HVCN1: variants seen among roughly 807,000 people sequenced by gnomAD.
HVCN1 encodes hydrogen voltage gated channel 1.
Under a neutral mutation model 29.2 loss-of-function variants are expected in HVCN1, and 14 were observed. The observed-to-expected ratio is 0.48, with a 90% CI of 0.32 to 0.75. The LOEUF is 0.75. HVCN1 is among the 30% of genes least tolerant of loss of function. The pLI, the probability that HVCN1 is intolerant of heterozygous loss-of-function variation, is 0.04. For missense variants in HVCN1, 263 were observed against 341.8 expected (o/e 0.77, Z 1.82); for synonymous variants, 131 against 133.2 (o/e 0.98, Z 0.11).
In HVCN1 at chr12:110,695,283, C is replaced by T. The variant is rs534772444; in HGVS notation, c.-103-6575G>A. The stretch of plus-strand genomic sequence containing the variant: ...ATATACACACACACACATATATATA[C>T]ACACACACACACTTATATATAAACA... On this transcript the variant is annotated intron_variant, in intron 2 of 4. Coordinates refer to the HVCN1 transcript ENST00000546713. Among the ~76,000 whole-genome samples the T allele has an allele frequency of 5.7e-3, 844 of 149,126 alleles. 7 individuals are homozygous for T. Among genetic ancestry groups the T allele is most frequent in the Admixed American group, 0.011 (169 of 14,896 alleles).
chr12:110,654,811 C>G lies in HVCN1; in HGVS notation c.411+423G>C, dbSNP rs992478745. Among the ~76,000 whole-genome samples, 6 of 152,152 alleles carry G rather than the reference C, an allele frequency of 3.9e-5. No individual in the cohort carries two copies. The East Asian group carries it at 1.2e-3, about 29-fold the overall frequency. On this transcript the variant is annotated intron_variant, in intron 5 of 7. Coordinates refer to ENST00000242607, the MANE Select transcript of HVCN1 (RefSeq NM_032369.4). ...GATTTTAACTCTCTTGATCTCCGCC[C>G]TTGGAACTGAGACAGGGTATGTCCA...
At position 110,670,752 on chromosome 12, in the gene HVCN1, C is replaced by T. The variant is rs1339323624; in HGVS notation, c.22-9304G>A. Among the ~76,000 whole-genome samples, 5 of 152,078 alleles carry T rather than the reference C, an allele frequency of 3.3e-5. No homozygotes were observed. The East Asian group carries it at 5.8e-4, about 18-fold the overall frequency. ...GGTGGAGTAGGTGGAATTGTGCACA[C>T]CCCCCTAACAATTCCTGTCCCCCTG... is the stretch of plus-strand genomic sequence containing the variant. On this transcript the variant is annotated intron_variant, in intron 3 of 7. Transcript: ENST00000242607.
intron 3 of HVCN1, among the ~76,000 whole-genome samples, chr12:110,668,349 C>CA (rs1174880023): frequency 1.3e-5 from 2 of 151,866 alleles, no homozygotes; most frequent in Non-Finnish European, 2.9e-5. Context: ...TAAAAACAAA[C>CA]AAAAAAATAG....
Position 110,661,246 on chromosome 12 carries a change from G to T in HVCN1, c.224C>A (p.Ala75Asp). The T allele has an allele frequency of 6.2e-7, 1 of 1,614,056 alleles. No homozygotes were observed. The highest frequency in any genetic ancestry group is 1.3e-5 in the African/African-American group (1 of 75,032). ...CCTGGGTGCGGGGCCAGGGGCAGGGGCAACGTCAGGGGCTGCAGCTCTGCC... is the reference window on the plus strand; with the variant it reads ...CCTGGGTGCGGGGCCAGGGGCAGGGTCAACGTCAGGGGCTGCAGCTCTGCC... Reference protein sequence around the residue: ...EEGRAAAPDVAPAPGPAPRAP... With the variant: ...EEGRAAAPDVDPAPGPAPRAP... The change falls in exon 4 of 8, where the codon GCC (alanine) becomes GAC (aspartate). Residue 75 changes from alanine to aspartate, a missense_variant. Physicochemically the swap from Ala to Asp is moderately radical, Grantham distance 126. Transcript: ENST00000242607. This position sits in a 1 kb window ranked among gnomAD's most constrained non-coding sequence, Gnocchi z 6.2.
intron 4 of HVCN1, among the ~76,000 whole-genome samples, chr12:110,657,801 G>A (rs538311977): frequency 1.3e-5 from 2 of 152,298 alleles, no homozygotes; most frequent in East Asian, 1.9e-4. Context: ...AGGTCACAAG[G>A]AAAATTGCTG....
At chr12:110,688,393 CCAAT>C (rs2069280340) in intron 2 of HVCN1, 1 of 152,272 alleles carries the variant, frequency 6.6e-6, no homozygotes, top group African/African-American at 2.4e-5. Context: ...TACCCTGGCC[CCAAT>C]CACTCTTGTT....
At chr12:110,680,092 A>AGGGAAAAAATTCCATATGG (rs2068904776) in intron 3 of HVCN1, among the ~76,000 whole-genome samples, 1 of 152,152 alleles carries the variant, frequency 6.6e-6, no homozygotes, top group Non-Finnish European at 1.5e-5. Flanking sequence ...TTTTTTCCAA[A>AGGGAAAAAATTCCATATGG]ACACAATTAA....
intron 3 of HVCN1, among the ~76,000 whole-genome samples, chr12:110,681,192 G>C (rs1306145146): frequency 3.3e-5 from 5 of 152,168 alleles, no homozygotes; most frequent in Admixed American, 3.3e-4. Flanking sequence ...TTTTATCACA[G>C]TAAATGGCAG....
At chr12:110,683,170 T>C in intron 3 of HVCN1, 55 bp downstream of exon 3, 1 of 1,612,912 alleles carries the variant, frequency 6.2e-7, no homozygotes, top group Non-Finnish European at 8.5e-7. Flanking sequence ...CAAACAGAAT[T>C]ATCCTCTCAA....
intron 3 of HVCN1, among the ~76,000 whole-genome samples, chr12:110,672,038 G>T (rs1234025540): frequency 6.6e-6 from 1 of 152,230 alleles, no homozygotes; most frequent in Non-Finnish European, 1.5e-5. Flanking sequence ...TAACAGGGCA[G>T]TTCCTTTCAT....
upstream of HVCN1, among the ~76,000 whole-genome samples, chr12:110,692,710 C>G (rs1458516309): frequency 2.6e-5 from 4 of 152,026 alleles, no homozygotes; most frequent in African/African-American, 9.7e-5. Flanking sequence ...GGTGACAGAG[C>G]AAGACCCTGT....
At chr12:110,685,345 C>T (rs2069138908) in intron 2 of HVCN1, among the ~76,000 whole-genome samples, 1 of 152,232 alleles carries the variant, frequency 6.6e-6, no homozygotes, top group Non-Finnish European at 1.5e-5. Context: ...TCCCCCAGAG[C>T]CTGCAGCAGC....
At chr12:110,653,959 G>A (rs1002576841) in intron 5 of HVCN1, among the ~76,000 whole-genome samples, 12 of 152,176 alleles carry the variant, frequency 7.9e-5, no homozygotes, top group South Asian at 2.1e-4. Context: ...TATTAGGCAC[G>A]TTGAAGTATT....
chr12:110,699,100 C>A (rs1254999614), intron 2 of HVCN1, among the ~76,000 whole-genome samples: 1 of 152,206 alleles, frequency 6.6e-6, no homozygotes, highest in Admixed American at 6.5e-5. Flanking sequence ...TGCACTCCAG[C>A]CTGAGCAACA....
upstream of HVCN1, among the ~76,000 whole-genome samples, chr12:110,692,860 A>G (rs1230474612): frequency 2.0e-5 from 3 of 152,228 alleles, no homozygotes; most frequent in Admixed American, 2.0e-4. Context: ...ACTGAAACGT[A>G]TTATTACTTT....
At chr12:110,673,998 C>A (rs1457532427) in intron 3 of HVCN1, among the ~76,000 whole-genome samples, 1 of 152,200 alleles carries the variant, frequency 6.6e-6, no homozygotes, top group African/African-American at 2.4e-5. Flanking sequence ...GTAGATCCAC[C>A]AATAGCTTGC....
chr12:110,687,544 G>A (rs376429034), intron 2 of HVCN1, among the ~76,000 whole-genome samples: 1 of 152,134 alleles, frequency 6.6e-6, no homozygotes, highest in Non-Finnish European at 1.5e-5. Flanking sequence ...TAATCACACA[G>A]GGCCTGATCA....
At chr12:110,656,278 T>C (rs2067987172) in intron 4 of HVCN1, among the ~76,000 whole-genome samples, 1 of 151,914 alleles carries the variant, frequency 6.6e-6, no homozygotes, top group Non-Finnish European at 1.5e-5. Context: ...CCTGGAGAAT[T>C]CAGGAGAGCT....
chr12:110,692,442 G>A (rs75443169), upstream of HVCN1, among the ~76,000 whole-genome samples: 4 of 152,170 alleles, frequency 2.6e-5, no homozygotes, highest in Admixed American at 1.3e-4. Flanking sequence ...GGAGAAGGCC[G>A]GGCATGGTGG....
Sources: gnomAD v4.1 joint callset for allele counts (sites outside exome capture counted in the v4.1 genomes callset) on GRCh38, gnomAD v4.1.1 for gene constraint, Gnocchi (gnomAD v3.1) non-coding constraint, MANE v1.5 for transcripts, NCBI Gene and HGNC (gene_info 2026-07-23, HGNC 2026-07-21) for gene names.